SLC8A1: variants seen among roughly 807,000 people sequenced by gnomAD.
SLC8A1 encodes solute carrier family 8 member A1.
In SLC8A1, 18 loss-of-function variants were observed where a neutral mutation model predicts 68.3. The ratio of observed to expected loss-of-function variants is 0.26; its 90% CI spans 0.18 to 0.39. The LOEUF (loss-of-function observed/expected upper bound fraction) is 0.39, where lower values mean the gene tolerates loss of function less well. SLC8A1 is among the 10% of genes least tolerant of loss of function. SLC8A1 has a pLI of 1.00. For synonymous variants in SLC8A1, 475 were observed against 415.5 expected (o/e 1.14, Z -1.74); for missense variants, 985 against 1,156.7 (o/e 0.85, Z 2.15).
intron 2 of SLC8A1, among the ~76,000 whole-genome samples, chr2:40,283,378 C>T (rs2067799197): frequency 6.6e-6 from 1 of 152,160 alleles, no homozygotes; most frequent in South Asian, 2.1e-4. Flanking sequence ...CTTTGACAGA[C>T]AATGGCTTAT....
chr2:40,226,346 T>C (rs932798991), intron 2 of SLC8A1, among the ~76,000 whole-genome samples: 4 of 152,170 alleles, frequency 2.6e-5, no homozygotes, highest in African/African-American at 9.7e-5. Context: ...TGTATATTCA[T>C]TGTGCTGCAA....
intron 2 of SLC8A1, among the ~76,000 whole-genome samples, chr2:40,414,252 G>T (rs771047294): frequency 6.6e-6 from 1 of 152,112 alleles, no homozygotes; most frequent in Non-Finnish European, 1.5e-5. Flanking sequence ...CAAAACTCTG[G>T]GAACTGTTGA....
chr2:40,391,653 G>A (rs1685305797), intron 2 of SLC8A1, among the ~76,000 whole-genome samples: 1 of 151,966 alleles, frequency 6.6e-6, no homozygotes. Flanking sequence ...AGAGCCCCTG[G>A]AGCAATCATT....
At chr2:40,477,400 G>A (rs752941486) in intron 1 of SLC8A1, among the ~76,000 whole-genome samples, 42 of 152,098 alleles carry the variant, frequency 2.8e-4, no homozygotes, top group Non-Finnish European at 5.7e-4. Context: ...TCTGTAAAAT[G>A]ATCCACCTAC....
intron 3 of SLC8A1, 133 bp downstream of exon 4, chr2:40,175,128 G>A: frequency 1.1e-6 from 1 of 891,690 alleles, no homozygotes; most frequent in Non-Finnish European, 1.8e-6. Context: ...GACAAAATGA[G>A]GTCAATGGCC....
intron 2 of SLC8A1, among the ~76,000 whole-genome samples, chr2:40,402,164 G>A (rs936645487): frequency 5.9e-5 from 9 of 152,162 alleles, no homozygotes; most frequent in South Asian, 2.1e-4. Flanking sequence ...AGATGGTGGC[G>A]AAAGTGACTT....
intron 7 of SLC8A1, chr2:40,117,011 T>C (rs1290194293): frequency 2.6e-5 from 4 of 152,240 alleles, no homozygotes. Context: ...ATGGGGATGG[T>C]ACTGCTCACT....
intron 2 of SLC8A1, chr2:40,213,251 T>A (rs2056918874): frequency 6.6e-6 from 1 of 152,142 alleles, no homozygotes; most frequent in Non-Finnish European, 1.5e-5. Flanking sequence ...GAATGAAACC[T>A]ACCATTGAAG....
intron 2 of SLC8A1, among the ~76,000 whole-genome samples, chr2:40,257,566 T>C (rs1401681129): frequency 6.6e-6 from 1 of 152,140 alleles, no homozygotes; most frequent in African/African-American, 2.4e-5. Context: ...TCCAAGAGCG[T>C]ATCAGATCAC....
chr2:40,140,348 C>T (rs889535567), intron 6 of SLC8A1, among the ~76,000 whole-genome samples: 2 of 152,204 alleles, frequency 1.3e-5, no homozygotes, highest in Non-Finnish European at 2.9e-5. Flanking sequence ...CCTAATCGCT[C>T]CACCCTTATC....
At chr2:40,114,933 A>T (rs2035049744) in exon 8 of SLC8A1, 1 of 168,066 alleles carries the variant, frequency 6.0e-6, no homozygotes, top group Non-Finnish European at 1.3e-5. Flanking sequence ...AACATTAACT[A>T]CCTCCCCAGC....
intron 2 of SLC8A1, among the ~76,000 whole-genome samples, chr2:40,346,046 G>GAAAAAAAA: frequency 3.5e-5 from 1 of 28,466 alleles, no homozygotes. Context: ...AACATTAACA[G>GAAAAAAAA]TAAAAAAAAA....
At chr2:40,332,639 G>T (rs2076537779) in intron 2 of SLC8A1, among the ~76,000 whole-genome samples, 1 of 152,082 alleles carries the variant, frequency 6.6e-6, no homozygotes, top group East Asian at 1.9e-4. Context: ...TAAATGACAG[G>T]GTTGGCTGAA....
intron 3 of SLC8A1, chr2:40,176,043 C>G (rs576486333): frequency 9.3e-6 from 4 of 427,938 alleles, no homozygotes; most frequent in South Asian, 6.7e-5. Flanking sequence ...GGGAGGGGGA[C>G]GTATAATTTG....
chr2:40,194,957 C>T (rs764426793), intron 2 of SLC8A1, among the ~76,000 whole-genome samples: 38 of 152,064 alleles, frequency 2.5e-4, no homozygotes, highest in Admixed American at 7.2e-4. Flanking sequence ...TATACAGAAG[C>T]CAGGTAAACC....
chr2:40,210,718 T>G (rs1404023160), intron 2 of SLC8A1, among the ~76,000 whole-genome samples: 1 of 152,188 alleles, frequency 6.6e-6, no homozygotes, highest in African/African-American at 2.4e-5. Context: ...GAAGCACTTA[T>G]TGTCATTTCT....
intron 2 of SLC8A1, among the ~76,000 whole-genome samples, chr2:40,385,644 T>C (rs10178405): frequency 0.73 from 110,333 of 150,892 alleles, 41,832 homozygotes; most frequent in African/African-American, 0.93. Flanking sequence ...AAGGAAACTT[T>C]TGAACACTTA....
intron 2 of SLC8A1, among the ~76,000 whole-genome samples, chr2:40,296,338 C>T (rs1272540391): frequency 6.6e-6 from 1 of 152,086 alleles, no homozygotes; most frequent in Non-Finnish European, 1.5e-5. Context: ...CTTGAAGGTG[C>T]TACAGACCAA....
chr2:40,198,586 A>G (rs975911712), intron 2 of SLC8A1, among the ~76,000 whole-genome samples: 1 of 152,010 alleles, frequency 6.6e-6, no homozygotes, highest in East Asian at 1.9e-4. Context: ...TAAATACAGA[A>G]TGAAACCTGC....
Sources: allele counts gnomAD v4.1 joint callset (sites outside exome capture counted in the v4.1 genomes callset), GRCh38; gene constraint gnomAD v4.1.1; transcripts MANE v1.5; gene names NCBI Gene and HGNC (gene_info 2026-07-23, HGNC 2026-07-21).